WDR41: variants seen among roughly 807,000 people sequenced by gnomAD.
WDR41 encodes the protein WD repeat-containing protein 41.
A neutral mutation model predicts 69.3 loss-of-function variants in WDR41; 63 were observed. The observed-to-expected ratio is 0.91, with a 90% confidence interval of 0.74 to 1.12. The LOEUF is 1.12. Ranked by LOEUF, WDR41 falls within the 50% of genes most tolerant of loss-of-function variation. The pLI, the probability that WDR41 is intolerant of heterozygous loss-of-function variation, is 0.00. For synonymous variants in WDR41, 185 were observed against 192.1 expected (o/e 0.96, Z 0.31); for missense variants, 543 against 534.5 (o/e 1.02, Z -0.16).
chr5:77,470,678 A>G (rs1239682186), intron 2 of WDR41, among the ~76,000 whole-genome samples: 2 of 152,202 alleles, frequency 1.3e-5, no homozygotes, highest in Non-Finnish European at 2.9e-5. Flanking sequence ...AAAAGAGACA[A>G]AGAAGGCCAT....
rs58106569 is a variant in WDR41 at position 77,617,539 on chromosome 5, C to T, written c.42+2940G>A. ...AAATAAACAGGTAATATTTAAAAAT[C>T]AGAGAAAGCTATAAACAAATATCAT... is the stretch of plus-strand genomic sequence containing the variant. On this transcript the variant is annotated intron_variant, in intron 1 of 5. Transcript: ENST00000509971. 1.8e-3 allele frequency among the ~76,000 whole-genome samples: 275 copies of T among 152,114 alleles called. 1 individual carries two copies. The highest frequency in any genetic ancestry group is 6.3e-3 in the African/African-American group (262 of 41,502).
intron 1 of WDR41, among the ~76,000 whole-genome samples, chr5:77,551,984 A>ATAAAG: frequency 1.8e-4 from 1 of 5,508 alleles, no homozygotes; most frequent in African/African-American, 5.1e-4. Context: ...GTCTCAAAAA[A>ATAAAG]TAAAATAAAA....
At chr5:77,492,617 G>C (rs40012), upstream of WDR41, 124,312 of 219,344 alleles carry the variant, frequency 0.57, 37,019 homozygotes, top group African/African-American at 0.77. Context: ...AAGCGCGCAC[G>C]AAGAATAATG....
chr5:77,567,075 G>A (rs557674590), intron 1 of WDR41, among the ~76,000 whole-genome samples: 4 of 152,112 alleles, frequency 2.6e-5, no homozygotes, highest in Non-Finnish European at 4.4e-5. Context: ...GAGGTAGAGC[G>A]ACAGAGTCCA....
intron 1 of WDR41, chr5:77,583,208 G>A (rs562053334): frequency 3.9e-4 from 292 of 751,566 alleles, no homozygotes; most frequent in Admixed American, 9.7e-4. Context: ...AAAGTGCAGA[G>A]GTTGAATTAG....
chr5:77,473,828 C>T (rs1800750880), intron 2 of WDR41, among the ~76,000 whole-genome samples: 1 of 152,188 alleles, frequency 6.6e-6, no homozygotes, highest in Non-Finnish European at 1.5e-5. Flanking sequence ...GAAACAGGAA[C>T]ACTTTTACAC....
At chr5:77,467,083 A>T (rs1202779836) in intron 2 of WDR41, among the ~76,000 whole-genome samples, 5 of 151,892 alleles carry the variant, frequency 3.3e-5, no homozygotes, top group African/African-American at 4.8e-5. Context: ...TGGAAATACA[A>T]CCCAAGAATT....
At chr5:77,583,992 A>C (rs995351100) in intron 1 of WDR41, among the ~76,000 whole-genome samples, 5 of 152,228 alleles carry the variant, frequency 3.3e-5, no homozygotes, top group Non-Finnish European at 7.3e-5. Flanking sequence ...AAAAAACTAC[A>C]TAATCATCTC....
intron 1 of WDR41, among the ~76,000 whole-genome samples, chr5:77,523,019 G>A (rs1387451652): frequency 6.6e-6 from 1 of 152,060 alleles, no homozygotes; most frequent in Non-Finnish European, 1.5e-5. Context: ...ACACCACATG[G>A]ATTTCAAAAG....
At chr5:77,501,870 G>T (rs1003491844) in intron 1 of WDR41, among the ~76,000 whole-genome samples, 2 of 152,086 alleles carry the variant, frequency 1.3e-5, no homozygotes. Flanking sequence ...CCCATTGGTA[G>T]GTCACCAACA....
intron 1 of WDR41, among the ~76,000 whole-genome samples, chr5:77,595,453 G>A (rs1488531752): frequency 1.3e-5 from 2 of 152,088 alleles, no homozygotes; most frequent in African/African-American, 2.4e-5. Context: ...GTTTCCCCTT[G>A]TAGCATGTCA....
intron 2 of WDR41, among the ~76,000 whole-genome samples, chr5:77,472,347 C>G (rs1306436463): frequency 6.6e-6 from 1 of 151,806 alleles, no homozygotes; most frequent in East Asian, 1.9e-4. Flanking sequence ...GGAAGCATTC[C>G]CTTTGAAAAC....
chr5:77,447,020 C>T (rs1324096278), intron 8 of WDR41, among the ~76,000 whole-genome samples: 1 of 152,114 alleles, frequency 6.6e-6, no homozygotes, highest in Non-Finnish European at 1.5e-5. Flanking sequence ...TTGCAATCTA[C>T]CCATCTGACA....
chr5:77,538,815 G>GCCACT (rs1743036460), intron 1 of WDR41, among the ~76,000 whole-genome samples: 1 of 152,110 alleles, frequency 6.6e-6, no homozygotes, highest in Non-Finnish European at 1.5e-5. Context: ...AATTATATTG[G>GCCACT]CCACTCAAGT....
intron 1 of WDR41, among the ~76,000 whole-genome samples, chr5:77,516,757 G>A (rs1802296538): frequency 6.6e-6 from 1 of 152,256 alleles, no homozygotes; most frequent in African/African-American, 2.4e-5. Flanking sequence ...AGTGGCTCAC[G>A]CCTGTAATCC....
At chr5:77,474,096 T>C (rs1487341086) in intron 2 of WDR41, among the ~76,000 whole-genome samples, 1 of 152,178 alleles carries the variant, frequency 6.6e-6, no homozygotes, top group Non-Finnish European at 1.5e-5. Context: ...CATGGAATAC[T>C]ATGCAGCCAT....
chr5:77,572,251 C>T (rs766217983), intron 1 of WDR41, among the ~76,000 whole-genome samples: 7 of 152,138 alleles, frequency 4.6e-5, no homozygotes, highest in African/African-American at 1.2e-4. Flanking sequence ...CTACCCACTT[C>T]GCAAAAGAGA....
intron 1 of WDR41, among the ~76,000 whole-genome samples, chr5:77,511,579 C>T (rs1426088311): frequency 2.0e-5 from 3 of 152,090 alleles, no homozygotes; most frequent in African/African-American, 7.2e-5. Flanking sequence ...ACAACACAGG[C>T]AAAGAATTTT....
chr5:77,438,545 C>T (rs369362025), intron 9 of WDR41, among the ~76,000 whole-genome samples, 184 bp from the exon 10 acceptor site: 1 of 152,216 alleles, frequency 6.6e-6, no homozygotes, highest in African/African-American at 2.4e-5. Context: ...AAGCTCTGAG[C>T]ATTTAGAAGG....
Sources: gnomAD v4.1 joint callset for allele counts (sites outside exome capture counted in the v4.1 genomes callset) on GRCh38, gnomAD v4.1.1 for gene constraint, MANE v1.5 for transcripts, NCBI Gene and HGNC (gene_info 2026-07-23, HGNC 2026-07-21) for gene names.